DYRK3: variants seen among roughly 807,000 people sequenced by gnomAD.
DYRK3 encodes the protein dual specificity tyrosine-phosphorylation-regulated kinase 3.
In DYRK3, 30 loss-of-function variants were observed where a neutral mutation model predicts 40.8. The ratio of observed to expected loss-of-function variants is 0.74; its 90% CI spans 0.55 to 1.00. The LOEUF is 1.00. Ranked by LOEUF, DYRK3 falls within the 50% of genes least tolerant of loss-of-function variation. The pLI is 0.00. For synonymous variants in DYRK3, 272 were observed against 260.7 expected (o/e 1.04, Z -0.42); for missense variants, 699 against 731.5 (o/e 0.96, Z 0.51).
At chr1:206,637,870 G>T (rs1025034313) in intron 2 of DYRK3, 109 bp downstream of exon 2, 1 of 744,734 alleles carries the variant, frequency 1.3e-6, no homozygotes, top group East Asian at 2.7e-5. Context: ...CTTTTTTTTG[G>T]TTTATTTTTG....
In DYRK3 at chr1:206,647,584, C is replaced by T. The variant is rs540148994; in HGVS notation, c.386C>T (p.Ser129Phe). 5 of 1,614,128 alleles carry T rather than the reference C, an allele frequency of 3.1e-6. No homozygotes were observed. The highest frequency in any genetic ancestry group is 1.3e-5 in the African/African-American group (1 of 75,028). The change falls in exon 3 of 3, where the codon TCC (serine) becomes TTC (phenylalanine). Residue 129 changes from serine to phenylalanine, a missense_variant. Transcript: ENST00000367109. ...TCAGATTGCTTGAATACAGTAAAAT[C>T]CAACAGTTCATCCAAGGCACCCAAA... ...KSSDCLNTVK[S>F]NSSSKAPKVV...
At chr1:206,638,874 CT>C (rs782152819) in intron 2 of DYRK3, among the ~76,000 whole-genome samples, 2,791 of 130,568 alleles carry the variant, frequency 0.021, 35 homozygotes, top group Admixed American at 0.042. Context: ...AACCTTTTTC[CT>C]TTTTTTTTTT....
At position 206,649,532 on chromosome 1, in the gene DYRK3, T is replaced by C. The variant is rs1459020702; in HGVS notation, c.*567T>C. On this transcript the variant is annotated 3_prime_UTR_variant, in exon 3 of 3. Transcript: ENST00000367109. ...AGTGACTCGCTCCTCTTCCCTTCAGTTCTCTGATGTTTGGTGTTATTATTT... is the reference window on the plus strand; with the variant it reads ...AGTGACTCGCTCCTCTTCCCTTCAGCTCTCTGATGTTTGGTGTTATTATTT... Among the ~76,000 whole-genome samples the C allele has an allele frequency of 3.3e-5, 5 of 152,238 alleles. 1 individual carries two copies. The highest frequency in any genetic ancestry group is 3.3e-4 in the Admixed American group (5 of 15,280).
At position 206,648,595 on chromosome 1, in the gene DYRK3, G is replaced by T. The variant is rs782319337; in HGVS notation, c.1397G>T (p.Gly466Val). 1 of 1,614,096 alleles carries T rather than the reference G, an allele frequency of 6.2e-7. No homozygotes were observed. Among genetic ancestry groups the T allele is most frequent in the Non-Finnish European group, 8.5e-7 (1 of 1,179,962 alleles). Residue 466 changes from glycine to valine, a missense_variant, in exon 3 of 3, where the codon GGG (glycine) becomes GTG (valine). By Grantham distance (109) the Gly-to-Val change is moderately radical. Transcript: ENST00000367109. The part of the protein sequence containing the change: ...TQADGRVVLV[G>V]GRSRRGKKRG... ...GCAGATGGGAGGGTTGTGCTTGTGG[G>T]GGGTCGCTCACGTAGGGGTAAAAAG...
intron 2 of DYRK3, among the ~76,000 whole-genome samples, chr1:206,640,479 G>C (rs1553419170): frequency 6.6e-6 from 1 of 151,984 alleles, no homozygotes; most frequent in East Asian, 1.9e-4. Context: ...TGGGAGCTGG[G>C]GAAAAGGTAG....
At chr1:206,639,932 T>C (rs1272858903) in intron 2 of DYRK3, among the ~76,000 whole-genome samples, 10 of 141,698 alleles carry the variant, frequency 7.1e-5, no homozygotes, top group African/African-American at 2.4e-4. Context: ...TCATTTCTTT[T>C]TTTTTTTTTT....
intron 2 of DYRK3, among the ~76,000 whole-genome samples, chr1:206,646,455 G>A (rs1394030863): frequency 1.3e-5 from 2 of 152,124 alleles, no homozygotes; most frequent in Non-Finnish European, 2.9e-5. Flanking sequence ...GAAAGGAGTA[G>A]TACTCCTTTA....
intron 2 of DYRK3, among the ~76,000 whole-genome samples, chr1:206,645,377 G>A (rs1264887982): frequency 6.6e-6 from 1 of 152,032 alleles, no homozygotes; most frequent in Non-Finnish European, 1.5e-5. Flanking sequence ...ATTCTTCAGG[G>A]TCCATTGAGA....
chr1:206,647,957 G>A lies in DYRK3; in HGVS notation c.759G>A (p.Glu253=). 6.2e-7 allele frequency: 1 copy of A among 1,614,136 alleles called. No homozygotes were observed. The highest frequency in any genetic ancestry group is 8.5e-7 in the Non-Finnish European group (1 of 1,180,044). ...GCTTTCATCGTCAAGCAGCTGAGGA[G>A]ATCCGGATTTTGGAGCATCTTAAGA... ...EKRFHRQAAE[E]IRILEHLKKQ... The change falls in exon 3 of 3, where the codon GAG becomes GAA. Residue 253 remains glutamate, a synonymous_variant. Coordinates refer to ENST00000367109, the MANE Select transcript of DYRK3 (RefSeq NM_003582.4).
Position 206,650,336 on chromosome 1 carries a change from G to A in DYRK3, c.*1371G>A, listed in dbSNP as rs1671600283. On this transcript the variant is annotated 3_prime_UTR_variant, in exon 3 of 3. Transcript: ENST00000367109. The stretch of plus-strand genomic sequence containing the variant: ...AATCCCAGCACTTTGGGAGGCTGAG[G>A]TGGGTGGATTCCTTGAGCCCAGGAG... Among the ~76,000 whole-genome samples, 1 of 152,224 alleles carries A rather than the reference G, an allele frequency of 6.6e-6. No homozygotes were observed. Among genetic ancestry groups the A allele is most frequent in the South Asian group, 2.1e-4 (1 of 4,832 alleles).
At chr1:206,635,931 C>T in intron 1 of DYRK3, 151 bp downstream of exon 1, 4 of 1,314,052 alleles carry the variant, frequency 3.0e-6, no homozygotes, top group Non-Finnish European at 3.9e-6. Context: ...CCGCCCCCAC[C>T]TCCTCTCTAT....
In DYRK3 at chr1:206,648,877, G is replaced by A. The variant is rs782138320; in HGVS notation, c.1679G>A (p.Gly560Glu). Reference sequence around the variant, plus strand: ...GGTTCTAAGCTGCCTCCAGTTGTTGGAATAGCCAATAAGCTTAAAGCTAAC... The same window carrying A: ...GGTTCTAAGCTGCCTCCAGTTGTTGAAATAGCCAATAAGCTTAAAGCTAAC... ...GLGSKLPPVV[G>E]IANKLKANLM... The change falls in exon 3 of 3, where the codon GGA becomes GAA. Residue 560 changes from glycine (G) to glutamate (E), a missense_variant. By Grantham distance (98) the Gly-to-Glu change is moderately conservative. Transcript: ENST00000367109. 9.9e-6 allele frequency: 16 copies of A among 1,614,048 alleles called. No homozygotes were observed. The highest frequency in any genetic ancestry group is 1.2e-5 in the Non-Finnish European group (14 of 1,180,034).
intron 2 of DYRK3, among the ~76,000 whole-genome samples, chr1:206,643,952 A>G (rs1671359880): frequency 6.6e-6 from 1 of 151,928 alleles, no homozygotes; most frequent in Non-Finnish European, 1.5e-5. Context: ...GATTCACACA[A>G]CATCCTGCAA....
intron 2 of DYRK3, among the ~76,000 whole-genome samples, chr1:206,642,673 A>G (rs897080150): frequency 6.6e-6 from 1 of 152,192 alleles, no homozygotes. Context: ...GCAAACTTGC[A>G]AGGACAGAAA....
rs1671541512 is a variant in DYRK3, at chr1:206,648,684, A to G, written c.1486A>G (p.Ile496Val). 1 of 1,613,894 alleles carries G rather than the reference A, an allele frequency of 6.2e-7. No homozygotes were observed. Among genetic ancestry groups the G allele is most frequent in the African/African-American group, 1.3e-5 (1 of 74,884 alleles). ...GAAAGGGTGTGATGACTACTTGTTT[A>G]TAGAGTTCTTGAAAAGGTGTCTTCA... is the stretch of plus-strand genomic sequence containing the variant. ...ALKGCDDYLF[I>V]EFLKRCLHWD... The change falls in exon 3 of 3, where the codon ATA (isoleucine) becomes GTA (valine). Residue 496 changes from isoleucine (I) to valine (V), a missense_variant. By Grantham distance (29) the Ile-to-Val change is conservative. Transcript: ENST00000367109.
In DYRK3 at chr1:206,648,079, A is replaced by G; in HGVS notation, c.881A>G (p.Asp294Gly). ...ATGGCCTTTGAATTGCTGAGCATAG[A>G]CCTTTATGAGCTGATTAAAAAAAAT... ...VCMAFELLSI[D>G]LYELIKKNKF... Residue 294 changes from aspartate to glycine, a missense_variant, in exon 3 of 3, where the codon GAC (aspartate) becomes GGC (glycine). Asp to Gly is a moderately conservative substitution (Grantham distance 94). Transcript: ENST00000367109. 1 of 1,613,936 alleles carries G rather than the reference A, an allele frequency of 6.2e-7. No individual in the cohort carries two copies. Among genetic ancestry groups the G allele is most frequent in the African/African-American group, 1.3e-5 (1 of 74,954 alleles).
Position 206,648,435 on chromosome 1 carries a change from G to A in DYRK3, c.1237G>A (p.Asp413Asn), listed in dbSNP as rs782153334. 9 of 1,614,046 alleles carry A rather than the reference G, an allele frequency of 5.6e-6. No individual in the cohort carries two copies. The African/African-American group carries it at 1.1e-4, about 19-fold the overall frequency. The change falls in exon 3 of 3, where the codon GAT becomes AAT. Residue 413 changes from aspartate to asparagine, a missense_variant. Physicochemically the swap from Asp to Asn is conservative, Grantham distance 23 (BLOSUM62 1). Coordinates refer to ENST00000367109, the MANE Select transcript of DYRK3 (RefSeq NM_003582.4). ...AGGACAGCCTCTCTTCCCTGGAGAG[G>A]ATGAAGGAGACCAGTTGGCCTGCAT... is the stretch of plus-strand genomic sequence containing the variant. ...LTGQPLFPGEDEGDQLACMME... is the reference protein window; with the variant it reads ...LTGQPLFPGENEGDQLACMME...
At chr1:206,636,110 G>A (rs149636270) in intron 1 of DYRK3, 22 of 1,399,076 alleles carry the variant, frequency 1.6e-5, no homozygotes, top group Middle Eastern at 1.9e-4. Flanking sequence ...TTTATTAAAG[G>A]GGGGGAGCCC....
chr1:206,639,914 C>T (rs548920248), intron 2 of DYRK3, among the ~76,000 whole-genome samples: 2 of 146,954 alleles, frequency 1.4e-5, no homozygotes, highest in Non-Finnish European at 3.0e-5. Context: ...AGATGTCTTA[C>T]TCATTACTCA....
Sources: gnomAD v4.1 joint callset for allele counts (sites outside exome capture counted in the v4.1 genomes callset) on GRCh38, gnomAD v4.1.1 for gene constraint, MANE v1.5 for transcripts, NCBI Gene and HGNC (gene_info 2026-07-23, HGNC 2026-07-21) for gene names.